Variants in EPS8 observed in about 807,000 individuals in gnomAD.
EPS8 encodes the protein EGFR pathway substrate 8, signaling adaptor.
Under a neutral mutation model 103.8 loss-of-function variants are expected in EPS8, and 42 were observed. The observed-to-expected ratio is 0.40, with a 90% confidence interval of 0.32 to 0.52. The LOEUF is 0.52. EPS8 is among the 20% of genes least tolerant of loss of function. The pLI, the probability that EPS8 is intolerant of heterozygous loss-of-function variation, is 0.40. For missense variants in EPS8, 969 were observed against 1,005.1 expected (o/e 0.96, Z 0.49); for synonymous variants, 344 against 344.6 (o/e 1.00, Z 0.02).
chr12:15,684,112 A>G lies in EPS8; in HGVS notation c.-21-1140T>C, dbSNP rs1200886345. On this transcript the variant is annotated intron_variant, in intron 1 of 20. Transcript: ENST00000281172. The surrounding 1 kb of genome is among the most constrained non-coding windows in gnomAD (Gnocchi z 4.9). ...AAGTGTAAAATTTTAAGTTGTACTTATCATTACAAAGGGAACATTCATCAT... is the reference window on the plus strand; with the variant it reads ...AAGTGTAAAATTTTAAGTTGTACTTGTCATTACAAAGGGAACATTCATCAT... 6.6e-6 allele frequency: 1 copy of G among 152,238 alleles called. No individual in the cohort carries two copies. Among genetic ancestry groups the G allele is most frequent in the African/African-American group, 2.4e-5 (1 of 41,466 alleles). The allele number at this position is 152,238 out of a possible 1,614,324, so 9.4% of individuals were successfully genotyped here.
At chr12:15,663,356 G>A (rs6488792) in intron 8 of EPS8, among the ~76,000 whole-genome samples, 137,676 of 152,132 alleles carry the variant, frequency 0.9, 63,186 homozygotes, top group Non-Finnish European at 0.98. Flanking sequence ...GGGTAGATAT[G>A]CCTCAGGGAT....
At chr12:15,768,871 C>T (rs563366046) in intron 1 of EPS8, among the ~76,000 whole-genome samples, 2 of 152,122 alleles carry the variant, frequency 1.3e-5, no homozygotes, top group Non-Finnish European at 1.5e-5. Flanking sequence ...GGTTTACACA[C>T]CTTTTGATTC....
At chr12:15,670,022 T>C (rs1260878824) in intron 4 of EPS8, among the ~76,000 whole-genome samples, 197 bp from the exon 5 acceptor site, 1 of 152,124 alleles carries the variant, frequency 6.6e-6, no homozygotes, top group Non-Finnish European at 1.5e-5. Flanking sequence ...ATAGAAGAAA[T>C]GGTGTTTTGA....
chr12:15,640,058 G>A (rs982822279), intron 17 of EPS8, among the ~76,000 whole-genome samples: 1 of 152,194 alleles, frequency 6.6e-6, no homozygotes, highest in African/African-American at 2.4e-5. Flanking sequence ...TGAATGAGCT[G>A]ACCAGGGTCA....
At chr12:15,632,397 C>T (rs1051353596) in intron 17 of EPS8, among the ~76,000 whole-genome samples, 1 of 152,138 alleles carries the variant, frequency 6.6e-6, no homozygotes, top group East Asian at 1.9e-4. Flanking sequence ...ACTTATAAAA[C>T]AGCATTTGTG....
chr12:15,672,131 T>C (rs1436882316), intron 3 of EPS8, among the ~76,000 whole-genome samples: 2 of 152,156 alleles, frequency 1.3e-5, no homozygotes, highest in Non-Finnish European at 2.9e-5. Context: ...ACCTATTTCT[T>C]TTAGTTAGTA....
At chr12:15,712,967 G>A in intron 1 of EPS8, 1 of 985,370 alleles carries the variant, frequency 1.0e-6, no homozygotes, top group Non-Finnish European at 1.2e-6. Flanking sequence ...GAAAGGGTGG[G>A]ACTCTAAGCG....
At position 15,727,478 on chromosome 12, in the gene EPS8, C is replaced by A. The variant is rs900414434; in HGVS notation, c.-21-44506G>T. On this transcript the variant is annotated intron_variant, in intron 1 of 20. Transcript: ENST00000281172. The surrounding 1 kb of genome is among the most constrained non-coding windows in gnomAD (Gnocchi z 4.3). ...ATATTTCCTTTAATGTTGGTAGATA[C>A]TAATAAATTTAACTTAAGACAACTG... 6.6e-6 allele frequency among the ~76,000 whole-genome samples: 1 copy of A among 152,130 alleles called. No homozygotes were observed. Among genetic ancestry groups the A allele is most frequent in the African/African-American group, 2.4e-5 (1 of 41,418 alleles).
rs112776077 is a variant in EPS8, at chr12:15,681,142, T to C, written c.136+84A>G. ...CTCATTCCAAACAATATTAAATGTG[T>C]GGGTTCAAACCATGAGTTTGAAAAT... On this transcript the variant is annotated intron_variant, in intron 3 of 20. Coordinates refer to ENST00000281172, the MANE Select transcript of EPS8 (RefSeq NM_004447.6). 27 of 546,264 alleles carry C rather than the reference T, an allele frequency of 4.9e-5. No individual in the cohort carries two copies. In the South Asian group the frequency reaches 9.1e-4, roughly 18 times the overall value. The allele number at this position is 546,264 out of a possible 1,614,324, so 33.8% of individuals were successfully genotyped here.
At chr12:15,715,394 C>CTTTTTTTTTT (rs3086457) in intron 1 of EPS8, among the ~76,000 whole-genome samples, 5 of 127,186 alleles carry the variant, frequency 3.9e-5, no homozygotes, top group Non-Finnish European at 4.7e-5. Context: ...CTTTACTTTT[C>CTTTTTTTTTT]TTTTTTTTTT....
In EPS8 at chr12:15,654,145, C is replaced by G. The variant is rs1945466028; in HGVS notation, c.1250G>C (p.Arg417Thr). 1 of 1,613,400 alleles carries G rather than the reference C, an allele frequency of 6.2e-7. No homozygotes were observed. The highest frequency in any genetic ancestry group is 8.5e-7 in the Non-Finnish European group (1 of 1,179,500). The change falls in exon 13 of 21, where the codon AGA (arginine) becomes ACA (threonine). Residue 417 changes from arginine (R) to threonine (T), a missense_variant and splice_region_variant. Coordinates refer to ENST00000281172, the MANE Select transcript of EPS8 (RefSeq NM_004447.6). ...GGCATTATAGGTGGTAAATGCTTAC[C>G]TGGCTTTCATCCAAGTTCCTCCCAA... The part of the protein sequence containing the change: ...MSLGGTWMKA[R>T]AEWPKEQFIP...
rs537290116 is a variant in EPS8, at chr12:15,690,294, A to G, written c.-21-7322T>C. Among the ~76,000 whole-genome samples, 2 of 152,294 alleles carry G rather than the reference A, an allele frequency of 1.3e-5. No individual in the cohort carries two copies. Among genetic ancestry groups the G allele is most frequent in the South Asian group, 2.1e-4 (1 of 4,830 alleles). The stretch of plus-strand genomic sequence containing the variant: ...TCCCACTTCTCTAAATCATAAATAC[A>G]TCTCCCGAATATTACTACAAGTAAA... On this transcript the variant is annotated intron_variant, in intron 1 of 20. Coordinates refer to ENST00000281172, the MANE Select transcript of EPS8 (RefSeq NM_004447.6). The surrounding 1 kb of genome is among the most constrained non-coding windows in gnomAD (Gnocchi z 4.7).
intron 1 of EPS8, among the ~76,000 whole-genome samples, chr12:15,685,667 A>C (rs1233513375): frequency 6.6e-6 from 1 of 152,222 alleles, no homozygotes; most frequent in African/African-American, 2.4e-5. Flanking sequence ...GTCATTTGGC[A>C]ATCACAGTTT....
At position 15,747,581 on chromosome 12, in the gene EPS8, G is replaced by A. The variant is rs939216424; in HGVS notation, c.-22+41580C>T. ...TGGCAAATGATCAAAAAAGTAACTT[G>A]GGGGGAGCCCAAAACATATTTTCCT... On this transcript the variant is annotated intron_variant, in intron 1 of 20. Coordinates refer to ENST00000281172, the MANE Select transcript of EPS8 (RefSeq NM_004447.6). The surrounding 1 kb of genome is among the most constrained non-coding windows in gnomAD (Gnocchi z 4.4). 6.6e-6 allele frequency among the ~76,000 whole-genome samples: 1 copy of A among 152,104 alleles called. No homozygotes were observed. The highest frequency in any genetic ancestry group is 1.5e-5 in the Non-Finnish European group (1 of 68,020).
intron 1 of EPS8, among the ~76,000 whole-genome samples, chr12:15,703,847 GT>G (rs58735135): frequency 0.025 from 1,541 of 61,300 alleles, 9 homozygotes; most frequent in African/African-American, 0.084. Context: ...CTATGTATTT[GT>G]TTTTTTTTTT....
At chr12:15,652,596 TA>T (rs1471477972) in intron 13 of EPS8, among the ~76,000 whole-genome samples, 2 of 152,128 alleles carry the variant, frequency 1.3e-5, no homozygotes, top group Non-Finnish European at 2.9e-5. Flanking sequence ...ATTAAAATTA[TA>T]AAAATAAAAA....
chr12:15,775,479 T>C (rs1591935857), intron 1 of EPS8, among the ~76,000 whole-genome samples: 1 of 152,146 alleles, frequency 6.6e-6, no homozygotes, highest in South Asian at 2.1e-4. Flanking sequence ...GTAAAATACA[T>C]GTAATTTGGA....
intron 3 of EPS8, among the ~76,000 whole-genome samples, chr12:15,676,867 G>A (rs1265150451): frequency 6.6e-6 from 1 of 152,038 alleles, no homozygotes; most frequent in African/African-American, 2.4e-5. Context: ...GCAAAATCAA[G>A]TTATTAAAAT....
Position 15,623,159 on chromosome 12 carries a change from T to G in EPS8, c.2354A>C (p.Glu785Ala). The change falls in exon 20 of 21, where the codon GAG (glutamate) becomes GCG (alanine). Residue 785 changes from glutamate to alanine, a missense_variant and splice_region_variant. By Grantham distance (107) the Glu-to-Ala change is moderately radical. Coordinates refer to ENST00000281172, the MANE Select transcript of EPS8 (RefSeq NM_004447.6). ...CCACCTTAGGTTGACAAGTCATACCTCCAATGCAGCTTTTTGTACAGTGAT... is the reference window on the plus strand; with the variant it reads ...CCACCTTAGGTTGACAAGTCATACCGCCAATGCAGCTTTTTGTACAGTGAT... ...SQITVQKAAL[E>A]DSSGSSELQE... 1 of 1,605,032 alleles carries G rather than the reference T, an allele frequency of 6.2e-7. No individual in the cohort carries two copies. Among genetic ancestry groups the G allele is most frequent in the Non-Finnish European group, 8.5e-7 (1 of 1,177,266 alleles).
Sources: gnomAD v4.1 joint callset for allele counts (sites outside exome capture counted in the v4.1 genomes callset) on GRCh38, gnomAD v4.1.1 for gene constraint, Gnocchi (gnomAD v3.1) non-coding constraint, MANE v1.5 for transcripts, NCBI Gene and HGNC (gene_info 2026-07-23, HGNC 2026-07-21) for gene names.